The following RFWD3 variants were observed in gnomAD, a reference collection of about 807,000 sequenced individuals.
RFWD3 encodes ring finger and WD repeat domain 3.
RFWD3 carries 65 observed loss-of-function variants against 87.7 expected under a neutral mutation model. That is an observed-to-expected ratio of 0.74 (90% CI 0.61 to 0.91). The LOEUF is 0.91. RFWD3 is among the 40% of genes least tolerant of loss of function. RFWD3 has a pLI of 0.00. For synonymous variants in RFWD3, 433 were observed against 352.8 expected (o/e 1.23, Z -2.55); for missense variants, 1,078 against 938.5 (o/e 1.15, Z -1.94).
intron 3 of RFWD3, among the ~76,000 whole-genome samples, chr16:74,651,436 G>A (rs1960557950): frequency 6.6e-6 from 1 of 152,068 alleles, no homozygotes; most frequent in Non-Finnish European, 1.5e-5. Flanking sequence ...GGGGCAACAT[G>A]GAAAAACTCT....
Position 74,632,632 on chromosome 16 carries a change from T to G in RFWD3, c.1468A>C (p.Ser490Arg). The G allele has an allele frequency of 1.2e-6, 2 of 1,614,146 alleles. No individual in the cohort carries two copies. Among genetic ancestry groups the G allele is most frequent in the South Asian group, 2.2e-5 (2 of 91,080 alleles). ...TTGCCATGCATCGGAATGTACTGAC[T>G]GCTCTTCATGTTGGCAGTACTCAAC... is the stretch of plus-strand genomic sequence containing the variant. ...KMLSTANMKS[S>R]QYIPMHGKQI... Residue 490 changes from serine to arginine, a missense_variant, in exon 9 of 13, where the codon AGT becomes CGT. Coordinates refer to ENST00000361070, the MANE Select transcript of RFWD3 (RefSeq NM_018124.4).
intron 6 of RFWD3, among the ~76,000 whole-genome samples, chr16:74,638,375 G>C (rs548013520): frequency 6.6e-6 from 1 of 152,200 alleles, no homozygotes; most frequent in South Asian, 2.1e-4. Flanking sequence ...AAGTTAAAAA[G>C]AGCAAAAGTA....
At chr16:74,640,614 G>C (rs1312993125) in intron 6 of RFWD3, among the ~76,000 whole-genome samples, 2 of 151,844 alleles carry the variant, frequency 1.3e-5, no homozygotes, top group African/African-American at 4.8e-5. Flanking sequence ...CTGCACTCTG[G>C]CCTTTGTGAT....
At chr16:74,661,590 T>C in intron 1 of RFWD3, 139 bp from the exon 2 acceptor site, 2 of 808,942 alleles carry the variant, frequency 2.5e-6, no homozygotes, top group South Asian at 1.8e-5. Flanking sequence ...GAGAAGATTT[T>C]AACTACTTAA....
rs1567592446 is a variant in RFWD3, at chr16:74,666,841, C to CCGCCGCCGAAGA, written c.-59_-58insTCTTCGGCGGCG. ...GAGCCCGCCGAAGACTCGGTAGTTA[C>CCGCCGCCGAAGA]CTCGGCCGCACTCCGAATGCACCTA... On this transcript the variant is annotated 5_prime_UTR_variant, in exon 1 of 13. Coordinates refer to ENST00000361070, the MANE Select transcript of RFWD3 (RefSeq NM_018124.4). 2.6e-5 allele frequency: 4 copies of CCGCCGCCGAAGA among 152,296 alleles called. No individual in the cohort carries two copies. Among genetic ancestry groups the CCGCCGCCGAAGA allele is most frequent in the South Asian group, 2.1e-4 (1 of 4,824 alleles). 9.4% of individuals were successfully genotyped at this position (152,296 alleles called of 1,614,324 possible). A position where few individuals can be genotyped will look rare whatever the true frequency, so the allele number is the denominator to read the frequency against.
intron 3 of RFWD3, 169 bp from the exon 4 acceptor site, chr16:74,649,371 T>C (rs1267412542): frequency 4.3e-6 from 2 of 465,622 alleles, no homozygotes. Context: ...AGTGAATTTA[T>C]TTTTAAAAAT....
At chr16:74,629,685 A>G (rs1959035002) in intron 10 of RFWD3, among the ~76,000 whole-genome samples, 1 of 152,024 alleles carries the variant, frequency 6.6e-6, no homozygotes. Context: ...AAACCTTGCC[A>G]TATTTTACTG....
chr16:74,656,499 T>C (rs995851992), intron 2 of RFWD3, among the ~76,000 whole-genome samples: 1 of 152,040 alleles, frequency 6.6e-6, no homozygotes, highest in Admixed American at 6.6e-5. Flanking sequence ...TTTTTCTTTT[T>C]GGAGACAGGG....
chr16:74,665,730 G>A (rs866501546), intron 1 of RFWD3, among the ~76,000 whole-genome samples: 4 of 151,640 alleles, frequency 2.6e-5, no homozygotes, highest in African/African-American at 9.7e-5. Context: ...GGTGCAACAG[G>A]GAGACTTTTC....
At chr16:74,639,091 AGCAGTGGCGTGATCCAG>A (rs1959407230) in intron 6 of RFWD3, among the ~76,000 whole-genome samples, 1 of 147,490 alleles carries the variant, frequency 6.8e-6, no homozygotes, top group African/African-American at 2.5e-5. Context: ...TAGGCTGCAG[AGCAGTGGCGTGATCCAG>A]GCTCACGGCT....
intron 2 of RFWD3, among the ~76,000 whole-genome samples, chr16:74,656,260 C>A (rs1960966579): frequency 7.9e-6 from 1 of 125,790 alleles, no homozygotes. Context: ...GAGCCATGAT[C>A]ACACCACTGT....
At position 74,624,032 on chromosome 16, in the gene RFWD3, G is replaced by T. The variant is rs1276194217; in HGVS notation, c.2221C>A (p.Gln741Lys). ...ATGTCCAACACAGGCTGATCGGTCT[G>T]TAGGTCCTGGAGCAACGAGCCACTG... Reference protein sequence around the residue: ...AASGSLLQDLQTDQPVLDICP... With the variant: ...AASGSLLQDLKTDQPVLDICP... The change falls in exon 13 of 13, where the codon CAG becomes AAG. Residue 741 changes from glutamine to lysine, a missense_variant. Coordinates refer to ENST00000361070, the MANE Select transcript of RFWD3 (RefSeq NM_018124.4). 6.2e-7 allele frequency: 1 copy of T among 1,614,034 alleles called. No homozygotes were observed. Among genetic ancestry groups the T allele is most frequent in the Non-Finnish European group, 8.5e-7 (1 of 1,179,992 alleles).
intron 9 of RFWD3, 58 bp from the exon 10 acceptor site, chr16:74,631,015 G>A: frequency 7.1e-7 from 1 of 1,404,848 alleles, no homozygotes; most frequent in Non-Finnish European, 9.8e-7. Flanking sequence ...ACATGACAAA[G>A]ATGTAAAGAT....
At chr16:74,655,155 G>C (rs190869999) in intron 2 of RFWD3, among the ~76,000 whole-genome samples, 260 of 152,302 alleles carry the variant, frequency 1.7e-3, no homozygotes, top group Non-Finnish European at 3.1e-3. Context: ...TGCAGCTACA[G>C]AGAAGTCAAT....
intron 6 of RFWD3, among the ~76,000 whole-genome samples, chr16:74,642,657 A>T (rs1002950978): frequency 6.6e-6 from 1 of 151,950 alleles, no homozygotes; most frequent in African/African-American, 2.4e-5. Flanking sequence ...ACACACGGAT[A>T]ATTTTTTTCA....
intron 2 of RFWD3, among the ~76,000 whole-genome samples, chr16:74,655,324 C>G (rs1227339162): frequency 6.6e-6 from 1 of 151,882 alleles, no homozygotes; most frequent in Non-Finnish European, 1.5e-5. Flanking sequence ...ACTGCAAGCT[C>G]TGCCTCCCGG....
chr16:74,637,455 T>C (rs1179491244), intron 7 of RFWD3, among the ~76,000 whole-genome samples: 1 of 152,088 alleles, frequency 6.6e-6, no homozygotes, highest in Admixed American at 6.6e-5. Flanking sequence ...GGTGAAACCC[T>C]GTCTCTACTA....
intron 6 of RFWD3, among the ~76,000 whole-genome samples, chr16:74,642,990 C>T (rs1438416296): frequency 5.9e-5 from 9 of 152,164 alleles, no homozygotes; most frequent in East Asian, 3.8e-4. Flanking sequence ...TACAGCCACA[C>T]GTATAGATTT....
intron 10 of RFWD3, among the ~76,000 whole-genome samples, chr16:74,629,983 A>C (rs1959041490): frequency 6.6e-6 from 1 of 152,234 alleles, no homozygotes; most frequent in Non-Finnish European, 1.5e-5. Context: ...AATGATAAAT[A>C]ATAATAATAT....
Sources: gnomAD v4.1 joint callset for allele counts (sites outside exome capture counted in the v4.1 genomes callset) on GRCh38, gnomAD v4.1.1 for gene constraint, MANE v1.5 for transcripts, NCBI Gene and HGNC (gene_info 2026-07-23, HGNC 2026-07-21) for gene names.